GPATCH1: variants seen among roughly 807,000 people sequenced by gnomAD.
GPATCH1 encodes the protein G-patch domain containing 1, also known as G patch domain-containing protein 1.
In GPATCH1, 73 loss-of-function variants were observed where a neutral mutation model predicts 114.9. That is an observed-to-expected ratio of 0.64 (90% CI 0.53 to 0.77). GPATCH1 has a LOEUF of 0.77. Among genes scored for constraint, GPATCH1 ranks in the 30% least tolerant of loss-of-function variants. The pLI, the probability that GPATCH1 is intolerant of heterozygous loss-of-function variation, is 0.00. For synonymous variants in GPATCH1, 391 were observed against 428.4 expected, an observed-to-expected ratio of 0.91 and a Z score of 1.08; for missense variants, 1,058 against 1,144.3, an observed-to-expected ratio of 0.92 and a Z score of 1.09.
At position 33,109,789 on chromosome 19, in the gene GPATCH1, C is replaced by T. The variant is rs1972828767; in HGVS notation, c.1358C>T (p.Thr453Ile). ...KERIKEMKQA[T>I]DLKAAQLKAR... ...AGAATCAAAGAAATGAAGCAGGCAA[C>T]TGACCTGAAAGCAGCTCAGCTCAAG... is the stretch of plus-strand genomic sequence containing the variant. The change falls in exon 11 of 20, where the codon ACT becomes ATT. Residue 453 changes from threonine (T) to isoleucine (I), a missense_variant. By Grantham distance (89) the Thr-to-Ile change is moderately conservative (BLOSUM62 -1). This residue lies in a region of GPATCH1 where 893 missense variants were observed against 977.4 expected (regional missense o/e 0.91). Transcript: ENST00000170564. 3 of 1,609,222 alleles carry T rather than the reference C, an allele frequency of 1.9e-6. No individual in the cohort carries two copies. The highest frequency in any genetic ancestry group is 1.7e-4 in the Middle Eastern group (1 of 6,036).
rs772488958 is a variant in GPATCH1, at chr19:33,088,220, A to C, written c.160A>C (p.Ser54Arg). 6.2e-7 allele frequency: 1 copy of C among 1,605,362 alleles called. No individual in the cohort carries two copies. The highest frequency in any genetic ancestry group is 1.1e-5 in the South Asian group (1 of 90,504). The change falls in exon 2 of 20, where the codon AGT becomes CGT. Residue 54 changes from serine (S) to arginine (R), a missense_variant. By Grantham distance (110) the Ser-to-Arg change is moderately radical. Around this residue, in one of 3 missense-constraint regions of GPATCH1, gnomAD observed 131 missense variants for 107.2 expected, o/e 1.22. Transcript: ENST00000170564. ...GTATAAACGATTCCACGGGGCCTTTAGTGGAGGTTTCTCTGCTGGATACTT... is the reference window on the plus strand; with the variant it reads ...GTATAAACGATTCCACGGGGCCTTTCGTGGAGGTTTCTCTGCTGGATACTT... ...GRYKRFHGAF[S>R]GGFSAGYFNT...
At chr19:33,088,656 T>C (rs1972561002) in intron 2 of GPATCH1, among the ~76,000 whole-genome samples, 1 of 125,618 alleles carries the variant, frequency 8.0e-6, no homozygotes, top group Non-Finnish European at 1.6e-5. Flanking sequence ...CGGCCACCTT[T>C]GCTTTTTTTT....
At chr19:33,094,294 T>A in intron 5 of GPATCH1, 25 bp downstream of exon 5, 1 of 1,217,372 alleles carries the variant, frequency 8.2e-7, no homozygotes, top group Non-Finnish European at 1.2e-6. Flanking sequence ...TGATTAACTG[T>A]TATCACTGCT....
chr19:33,099,551 T>C (rs1252135222), intron 8 of GPATCH1, among the ~76,000 whole-genome samples: 1 of 151,834 alleles, frequency 6.6e-6, no homozygotes, highest in African/African-American at 2.4e-5. Context: ...TTCTATTCGG[T>C]GAATCTATCT....
chr19:33,094,873 A>G (rs566403627), intron 5 of GPATCH1, among the ~76,000 whole-genome samples: 1 of 152,218 alleles, frequency 6.6e-6, no homozygotes, highest in East Asian at 1.9e-4. Flanking sequence ...GCTGGTAGAA[A>G]ATGATTCCTG....
intron 1 of GPATCH1, among the ~76,000 whole-genome samples, chr19:33,085,871 A>G (rs1972529690): frequency 6.6e-6 from 1 of 152,224 alleles, no homozygotes; most frequent in African/African-American, 2.4e-5. Flanking sequence ...AGTTGGCCAC[A>G]TTGCTTGGCC....
At chr19:33,106,529 GATGCTGGCTGGACCTCTGGCC>G (rs1413966523) in intron 9 of GPATCH1, among the ~76,000 whole-genome samples, 145 bp from the exon 10 acceptor site, 5 of 152,148 alleles carry the variant, frequency 3.3e-5, no homozygotes, top group Non-Finnish European at 7.3e-5. Context: ...GTCCAGAGGG[GATGCTGGCTGGACCTCTGGCC>G]AGCCTGTTCT....
intron 1 of GPATCH1, among the ~76,000 whole-genome samples, chr19:33,085,097 G>C (rs562147980): frequency 6.6e-6 from 1 of 152,332 alleles, no homozygotes; most frequent in East Asian, 1.9e-4. Context: ...AAGTGCTCCA[G>C]TACGTGCAGG....
intron 8 of GPATCH1, 44 bp downstream of exon 8, chr19:33,097,946 G>T (rs1463343837): frequency 6.3e-7 from 1 of 1,593,792 alleles, no homozygotes; most frequent in Non-Finnish European, 8.6e-7. Context: ...CAAGTGTCAG[G>T]GTATCAGGAA....
intron 5 of GPATCH1, among the ~76,000 whole-genome samples, chr19:33,094,957 T>A (rs1380282159): frequency 2.0e-5 from 3 of 152,028 alleles, no homozygotes; most frequent in Non-Finnish European, 4.4e-5. Flanking sequence ...TGAGCCCAGG[T>A]GTTTGAGACC....
At chr19:33,105,140 T>C (rs1228001748) in intron 9 of GPATCH1, among the ~76,000 whole-genome samples, 1 of 151,904 alleles carries the variant, frequency 6.6e-6, no homozygotes, top group African/African-American at 2.4e-5. Flanking sequence ...ATATCTTGGA[T>C]GAAAAAATAG....
chr19:33,084,425 T>A lies in GPATCH1; in HGVS notation c.73+3159T>A, dbSNP rs16967777. Among the ~76,000 whole-genome samples, 490 of 152,254 alleles carry A rather than the reference T, an allele frequency of 3.2e-3. 4 individuals carry two copies. The highest frequency in any genetic ancestry group is 0.011 in the African/African-American group (462 of 41,544). The stretch of plus-strand genomic sequence containing the variant: ...TCCACTTGGTTCTAGAATTCTTATC[T>A]ACAGCTCATTCTATACCCAGATTAA... On this transcript the variant is annotated intron_variant, in intron 1 of 19. Coordinates refer to ENST00000170564, the MANE Select transcript of GPATCH1 (RefSeq NM_018025.3).
At chr19:33,121,604 C>G in intron 17 of GPATCH1, among the ~76,000 whole-genome samples, 1 of 146,490 alleles carries the variant, frequency 6.8e-6, no homozygotes, top group East Asian at 1.9e-4. Context: ...TAGGCGTGAG[C>G]CACCGCACCC....
chr19:33,085,258 C>T (rs533629354), intron 1 of GPATCH1, among the ~76,000 whole-genome samples: 70 of 152,182 alleles, frequency 4.6e-4, no homozygotes, highest in Admixed American at 2.3e-3. Context: ...ATCCCCCAGG[C>T]GGGAGTACAG....
chr19:33,096,109 T>G (rs539628741), intron 6 of GPATCH1, 98 bp from the exon 7 acceptor site: 150 of 1,239,736 alleles, frequency 1.2e-4, no homozygotes, highest in Non-Finnish European at 1.6e-4. Context: ...TGCTAATTGT[T>G]CTGTGTGGCA....
rs1972678573 is a variant in GPATCH1 at position 33,097,764 on chromosome 19, G to A, written c.862G>A (p.Val288Ile). Residue 288 changes from valine to isoleucine, a missense_variant, in exon 8 of 20, where the codon GTA (valine) becomes ATA (isoleucine). Val to Ile is a conservative substitution (Grantham distance 29). Transcript: ENST00000170564. The stretch of plus-strand genomic sequence containing the variant: ...CCTTGTTTTTTTAAAGGCTTTTGGT[G>A]TAGGTGCCCTGGAAGAGGAAGATGA... ...KLGISGQAFGVGALEEEDDDI... is the reference protein window; with the variant it reads ...KLGISGQAFGIGALEEEDDDI... 1.9e-6 allele frequency: 3 copies of A among 1,613,832 alleles called. No individual in the cohort carries two copies. In the South Asian group the frequency reaches 3.3e-5, roughly 18 times the overall value.
At chr19:33,122,618 C>T (rs56261509) in intron 17 of GPATCH1, among the ~76,000 whole-genome samples, 18,521 of 152,122 alleles carry the variant, frequency 0.12, 1,414 homozygotes, top group Admixed American at 0.27. Flanking sequence ...CCACCACGCC[C>T]GGCCGGCTCT....
At chr19:33,111,371 G>A (rs1972850628) in intron 11 of GPATCH1, among the ~76,000 whole-genome samples, 1 of 139,458 alleles carries the variant, frequency 7.2e-6, no homozygotes, top group African/African-American at 2.7e-5. Context: ...GAGACAGAGT[G>A]AGACTCCATC....
rs1255397187 is a variant in GPATCH1, at chr19:33,117,813, C to T, written c.2197-12C>T. On this transcript the variant is annotated splice_polypyrimidine_tract_variant and intron_variant, in intron 15 of 19. Coordinates refer to ENST00000170564, the MANE Select transcript of GPATCH1 (RefSeq NM_018025.3). ...CTCTGTATCCCTGACTCTTATTTCA[C>T]TGTCAATACAGACCGTCAACAAAGA... 1.9e-5 allele frequency: 30 copies of T among 1,596,694 alleles called. No homozygotes were observed. The highest frequency in any genetic ancestry group is 2.6e-5 in the Non-Finnish European group (30 of 1,165,488).
Sources: gnomAD v4.1 joint callset for allele counts (sites outside exome capture counted in the v4.1 genomes callset) on GRCh38, gnomAD v4.1.1 for gene constraint, gnomAD v4.1.1 regional missense constraint, MANE v1.5 for transcripts, NCBI Gene and HGNC (gene_info 2026-07-23, HGNC 2026-07-21) for gene names.